The following RARS2 variants were observed in gnomAD, a reference collection of about 807,000 sequenced individuals.
The protein encoded by RARS2 is arginyl-tRNA synthetase 2, mitochondrial.
A neutral mutation model predicts 88.5 loss-of-function variants in RARS2; 67 were observed. The observed-to-expected ratio is 0.76, with a 90% CI of 0.62 to 0.93. RARS2 has a LOEUF of 0.93. RARS2 is among the 40% of genes least tolerant of loss of function. RARS2 has a pLI of 0.00. For missense variants in RARS2, 664 were observed against 684.2 expected, an observed-to-expected ratio of 0.97 and a Z score of 0.33; for synonymous variants, 239 against 230.3, an observed-to-expected ratio of 1.04 and a Z score of -0.34.
chr6:87,534,671 G>A (rs1204572987), intron 8 of RARS2, among the ~76,000 whole-genome samples: 1 of 152,190 alleles, frequency 6.6e-6, no homozygotes, highest in Non-Finnish European at 1.5e-5. Context: ...GCAGTGTTGG[G>A]AAGGGACAGC....
At chr6:87,559,149 CTGT>C (rs1412831789) in intron 4 of RARS2, among the ~76,000 whole-genome samples, 1 of 151,786 alleles carries the variant, frequency 6.6e-6, no homozygotes, top group African/African-American at 2.4e-5. Context: ...TTGTTTTAAG[CTGT>C]TATTACAAAA....
chr6:87,525,614 T>C (rs1222619604), intron 10 of RARS2, among the ~76,000 whole-genome samples: 1 of 151,340 alleles, frequency 6.6e-6, no homozygotes, highest in Non-Finnish European at 1.5e-5. Flanking sequence ...AGTGGCACGA[T>C]CTCAGCTCAT....
At chr6:87,539,886 G>T (rs1199237021) in intron 8 of RARS2, among the ~76,000 whole-genome samples, 1 of 152,066 alleles carries the variant, frequency 6.6e-6, no homozygotes, top group Non-Finnish European at 1.5e-5. Context: ...TGTGGGCCTG[G>T]ATCTCATGAA....
chr6:87,544,643 C>T (rs969284575), intron 7 of RARS2, among the ~76,000 whole-genome samples: 5 of 152,144 alleles, frequency 3.3e-5, no homozygotes, highest in South Asian at 4.1e-4. Context: ...CAATCTACCC[C>T]GTCCTTCACT....
chr6:87,571,134 G>A (rs1769558577), intron 1 of RARS2, among the ~76,000 whole-genome samples: 1 of 150,558 alleles, frequency 6.6e-6, no homozygotes, highest in African/African-American at 2.4e-5. Context: ...ACGTGTCATG[G>A]GAGGGACCAG....
chr6:87,529,867 G>A (rs1048193488), intron 9 of RARS2, among the ~76,000 whole-genome samples: 2 of 151,474 alleles, frequency 1.3e-5, no homozygotes, highest in African/African-American at 2.4e-5. Context: ...CCCAGCCTGG[G>A]CAAGATGGCG....
In RARS2 at chr6:87,521,621, A is replaced by G. The variant is rs149934625; in HGVS notation, c.975-97T>C. 688 of 883,974 alleles carry G rather than the reference A, an allele frequency of 7.8e-4. 4 individuals carry two copies. In the African/African-American group the frequency reaches 9.4e-3, roughly 12 times the overall value. The allele number at this position is 883,974 out of a possible 1,614,324, so 54.8% of individuals were successfully genotyped here. On this transcript the variant is annotated intron_variant, in intron 11 of 19. Transcript: ENST00000369536. Reference sequence around the variant, plus strand: ...AGCAATGAGCATTTTCTAATTAAGAATTTAAATTATACCACAGCCTGAGGA... The same window carrying G: ...AGCAATGAGCATTTTCTAATTAAGAGTTTAAATTATACCACAGCCTGAGGA...
intron 8 of RARS2, among the ~76,000 whole-genome samples, chr6:87,535,707 C>T (rs1778934029): frequency 7.1e-6 from 1 of 140,064 alleles, no homozygotes; most frequent in African/African-American, 2.7e-5. Context: ...GACAGAGTCT[C>T]GCTCTGTTGC....
At chr6:87,554,954 A>C (rs2128143000) in intron 5 of RARS2, among the ~76,000 whole-genome samples, 1 of 152,154 alleles carries the variant, frequency 6.6e-6, no homozygotes, top group South Asian at 2.1e-4. Context: ...TCCAAAAAAA[A>C]TTAGCCAGGT....
chr6:87,583,184 A>C (rs1200014122), intron 1 of RARS2, among the ~76,000 whole-genome samples: 1 of 152,230 alleles, frequency 6.6e-6, no homozygotes, highest in Non-Finnish European at 1.5e-5. Flanking sequence ...AATGTGGCAA[A>C]ATGTTAATAA....
chr6:87,514,513 CAAAGA>C lies in RARS2; in HGVS notation c.1651-19_1651-15del. The stretch of plus-strand genomic sequence containing the variant: ...ATGAAGTCTGGCCTACAAAATAAAT[CAAAGA>C]ATGATTTAAAATATTCAGTAACAGG... On this transcript the variant is annotated splice_polypyrimidine_tract_variant and intron_variant, in intron 19 of 19. Coordinates refer to ENST00000369536, the MANE Select transcript of RARS2 (RefSeq NM_020320.5). 1 of 1,586,776 alleles carries C rather than the reference CAAAGA, an allele frequency of 6.3e-7. No homozygotes were observed. The highest frequency in any genetic ancestry group is 8.7e-7 in the Non-Finnish European group (1 of 1,155,548).
At chr6:87,551,223 C>T (rs572490025) in intron 5 of RARS2, among the ~76,000 whole-genome samples, 2 of 152,134 alleles carry the variant, frequency 1.3e-5, no homozygotes. Flanking sequence ...AAATTCAATT[C>T]TTTTGGCAAC....
intron 4 of RARS2, among the ~76,000 whole-genome samples, chr6:87,556,790 CA>C (rs71018038): frequency 4.7e-4 from 36 of 77,006 alleles, no homozygotes; most frequent in Admixed American, 1.0e-3. Context: ...GACTCTGTCT[CA>C]AAAAAAAAAA....
intron 7 of RARS2, among the ~76,000 whole-genome samples, chr6:87,543,964 A>C (rs2128113230): frequency 6.6e-6 from 1 of 152,306 alleles, no homozygotes; most frequent in Non-Finnish European, 1.5e-5. Context: ...CATTTTCAAA[A>C]ACTAATTCTG....
rs1328526680 is a variant in RARS2 at position 87,576,426 on chromosome 6, G to A, written c.37-6836C>T. Among the ~76,000 whole-genome samples the A allele has an allele frequency of 4.5e-5, 5 of 110,710 alleles. 1 individual carries two copies. Among genetic ancestry groups the A allele is most frequent in the African/African-American group, 1.7e-4 (5 of 29,236 alleles). 72.6% of individuals were successfully genotyped at this position (110,710 alleles called of 152,430 possible). ...CGAGTAGCTGGGACTACAGGCGCCC[G>A]CTACCACGCCCGGCTAATTTTTTGT... On this transcript the variant is annotated intron_variant, in intron 1 of 19. Coordinates refer to ENST00000369536, the MANE Select transcript of RARS2 (RefSeq NM_020320.5).
At chr6:87,581,513 AAAGT>A (rs1773469217) in intron 1 of RARS2, among the ~76,000 whole-genome samples, 1 of 152,220 alleles carries the variant, frequency 6.6e-6, no homozygotes, top group African/African-American at 2.4e-5. Context: ...AGAAGCAAAC[AAAGT>A]AAGAATTAAA....
At chr6:87,519,733 T>TA (rs1562061413) in intron 13 of RARS2, 26 bp from the exon 14 acceptor site, 8 of 1,613,536 alleles carry the variant, frequency 5.0e-6, no homozygotes, top group Non-Finnish European at 6.8e-6. Context: ...TCTAGTTAAC[T>TA]GAAAGCTAAA....
intron 1 of RARS2, among the ~76,000 whole-genome samples, chr6:87,589,278 A>G (rs1776222169): frequency 6.6e-6 from 1 of 152,178 alleles, no homozygotes; most frequent in Admixed American, 6.5e-5. Context: ...AGGGAAGCAG[A>G]GGAGGGAGGA....
Position 87,530,798 on chromosome 6 carries a change from T to A in RARS2, c.757A>T (p.Ile253Phe). The change falls in exon 9 of 20, where the codon ATT (isoleucine) becomes TTT (phenylalanine). Residue 253 changes from isoleucine (I) to phenylalanine (F), a missense_variant. Physicochemically the swap from Ile to Phe is conservative, Grantham distance 21 (BLOSUM62 0). Transcript: ENST00000369536. ...KFRDLSIEEYIRVYKRLGVYF... is the reference protein window; with the variant it reads ...KFRDLSIEEYFRVYKRLGVYF... ...TCAACCAATACCTTGTAAACCCGAA[T>A]GTACTCTTCAATGCTCAAGTCCCGA... The A allele has an allele frequency of 6.2e-7, 1 of 1,614,204 alleles. No individual in the cohort carries two copies.
Sources: gnomAD v4.1 joint callset for allele counts (sites outside exome capture counted in the v4.1 genomes callset) on GRCh38, gnomAD v4.1.1 for gene constraint, MANE v1.5 for transcripts, NCBI Gene and HGNC (gene_info 2026-07-23, HGNC 2026-07-21) for gene names.